ERBB4: variants seen among roughly 807,000 people sequenced by gnomAD.
ERBB4 encodes receptor tyrosine-protein kinase erbB-4.
Under a neutral mutation model 158.0 loss-of-function variants are expected in ERBB4, and 42 were observed. The ratio of observed to expected loss-of-function variants is 0.27; its 90% CI spans 0.21 to 0.34. The LOEUF (loss-of-function observed/expected upper bound fraction) is 0.34. ERBB4 is among the 10% of genes least tolerant of loss of function. ERBB4 has a pLI of 1.00. For synonymous variants in ERBB4, 583 were observed against 558.7 expected, an observed-to-expected ratio of 1.04 and a Z score of -0.61; for missense variants, 1,333 against 1,624.1, an observed-to-expected ratio of 0.82 and a Z score of 3.08.
intron 1 of ERBB4, among the ~76,000 whole-genome samples, chr2:212,197,776 G>T (rs560283389): frequency 6.6e-6 from 1 of 152,182 alleles, no homozygotes; most frequent in South Asian, 2.1e-4. Context: ...TTTTTGAAGG[G>T]TCTATGAAAA....
At chr2:211,803,125 A>G (rs2076537554) in intron 3 of ERBB4, among the ~76,000 whole-genome samples, 1 of 152,240 alleles carries the variant, frequency 6.6e-6, no homozygotes, top group African/African-American at 2.4e-5. Flanking sequence ...TTTTGAATCT[A>G]TTTGGCTGAC....
chr2:211,630,957 G>A (rs1390804332), intron 16 of ERBB4, among the ~76,000 whole-genome samples: 1 of 152,044 alleles, frequency 6.6e-6, no homozygotes, highest in Admixed American at 6.6e-5. Flanking sequence ...TGAATAAACA[G>A]GAAATGCATT....
At chr2:211,711,188 A>T (rs954851156) in intron 9 of ERBB4, among the ~76,000 whole-genome samples, 1 of 152,186 alleles carries the variant, frequency 6.6e-6, no homozygotes, top group East Asian at 1.9e-4. Context: ...GAATGAAAAG[A>T]AACACTTTGT....
chr2:212,105,455 G>A (rs2079197359), intron 2 of ERBB4, among the ~76,000 whole-genome samples: 1 of 152,066 alleles, frequency 6.6e-6, no homozygotes, highest in Non-Finnish European at 1.5e-5. Context: ...CGTTTTCAAA[G>A]GAGAAACAAA....
intron 20 of ERBB4, among the ~76,000 whole-genome samples, chr2:211,504,984 C>G (rs2065709650): frequency 6.6e-6 from 1 of 151,990 alleles, no homozygotes; most frequent in African/African-American, 2.4e-5. Flanking sequence ...TAAAAACATT[C>G]TTGAGGGAGA....
At chr2:211,682,085 C>CACACACACACACACACACACACAT (rs59564874) in intron 12 of ERBB4, among the ~76,000 whole-genome samples, 1 of 149,722 alleles carries the variant, frequency 6.7e-6, no homozygotes, top group African/African-American at 2.5e-5. Flanking sequence ...CACACACACA[C>CACACACACACACACACACACACAT]ACACACAATT....
At chr2:212,219,894 T>C (rs1297828660) in intron 1 of ERBB4, among the ~76,000 whole-genome samples, 2 of 149,888 alleles carry the variant, frequency 1.3e-5, no homozygotes, top group African/African-American at 4.9e-5. Context: ...ACTTCAAAAA[T>C]AGGCTTTAAT....
intron 4 of ERBB4, chr2:211,779,474 A>G (rs2075980872): frequency 6.6e-6 from 1 of 152,168 alleles, no homozygotes. Context: ...CCACTTCACC[A>G]TTATATTCAT....
chr2:212,439,963 A>T (rs964925356), intron 1 of ERBB4, among the ~76,000 whole-genome samples: 5 of 152,188 alleles, frequency 3.3e-5, no homozygotes, highest in African/African-American at 1.2e-4. Context: ...GAGATATTCA[A>T]CTATCGGAAT....
chr2:211,639,678 AC>A (rs2070498285), intron 16 of ERBB4, among the ~76,000 whole-genome samples: 2 of 152,230 alleles, frequency 1.3e-5, no homozygotes, highest in South Asian at 4.1e-4. Flanking sequence ...CTTATTGTAC[AC>A]AACTACATAA....
Position 211,424,181 on chromosome 2 carries a change from A to G in ERBB4, c.2840T>C (p.Ile947Thr), listed in dbSNP as rs370965857. The change falls in exon 23 of 28, where the codon ATT (isoleucine) becomes ACT (threonine). Residue 947 changes from isoleucine (I) to threonine (T), a missense_variant. Coordinates refer to ENST00000342788, the MANE Select transcript of ERBB4 (RefSeq NM_005235.3). The part of the protein sequence containing the change: ...ERLPQPPICT[I>T]DVYMVMVKCW... ...TTTGACCATGACCATGTAAACGTCA[A>G]TAGTGCAGATGGGAGGCTGAGGCAA... is the stretch of plus-strand genomic sequence containing the variant. 3 of 1,613,272 alleles carry G rather than the reference A, an allele frequency of 1.9e-6. No individual in the cohort carries two copies. The highest frequency in any genetic ancestry group is 2.5e-6 in the Non-Finnish European group (3 of 1,179,484).
intron 5 of ERBB4, among the ~76,000 whole-genome samples, chr2:211,726,117 T>C (rs1409238164): frequency 6.6e-6 from 1 of 152,116 alleles, no homozygotes; most frequent in South Asian, 2.1e-4. Flanking sequence ...TATCACTTCC[T>C]GGTTTCTGTA....
chr2:211,626,230 T>A, intron 17 of ERBB4, among the ~76,000 whole-genome samples: 1 of 152,218 alleles, frequency 6.6e-6, no homozygotes, highest in East Asian at 1.9e-4. Context: ...AGATCATGTC[T>A]CATTAATATA....
chr2:212,324,479 G>GT (rs67844263), intron 1 of ERBB4, among the ~76,000 whole-genome samples: 1 of 83,464 alleles, frequency 1.2e-5, no homozygotes, highest in Admixed American at 1.2e-4. Context: ...CGGGTTTTTT[G>GT]TTTTTGTTTT....
intron 3 of ERBB4, among the ~76,000 whole-genome samples, chr2:211,823,011 C>T (rs950020228): frequency 6.6e-6 from 1 of 151,984 alleles, no homozygotes; most frequent in Non-Finnish European, 1.5e-5. Context: ...GCTGTTACAA[C>T]TGTTAGCCCT....
At chr2:212,096,157 C>G (rs112241878) in intron 2 of ERBB4, among the ~76,000 whole-genome samples, 1,978 of 151,932 alleles carry the variant, frequency 0.013, 21 homozygotes, top group Middle Eastern at 0.028. Flanking sequence ...TTGTGCTTCA[C>G]AGAGAAAAGC....
At chr2:211,525,097 A>C (rs1312061012) in intron 20 of ERBB4, among the ~76,000 whole-genome samples, 1 of 152,126 alleles carries the variant, frequency 6.6e-6, no homozygotes, top group Non-Finnish European at 1.5e-5. Context: ...CTGGGTTCCT[A>C]AATAAAACTT....
intron 19 of ERBB4, among the ~76,000 whole-genome samples, chr2:211,618,783 T>C (rs1021664523): frequency 1.3e-5 from 2 of 152,186 alleles, no homozygotes; most frequent in Non-Finnish European, 2.9e-5. Flanking sequence ...TTAAGAAATA[T>C]ACACATGAGC....
At chr2:211,539,012 C>A (rs1262795766) in intron 20 of ERBB4, among the ~76,000 whole-genome samples, 2 of 151,892 alleles carry the variant, frequency 1.3e-5, no homozygotes, top group Non-Finnish European at 2.9e-5. Flanking sequence ...TCATATTTAT[C>A]ATAGTACTAA....
Sources: gnomAD v4.1 joint callset for allele counts (sites outside exome capture counted in the v4.1 genomes callset) on GRCh38, gnomAD v4.1.1 for gene constraint, MANE v1.5 for transcripts, NCBI Gene and HGNC (gene_info 2026-07-23, HGNC 2026-07-21) for gene names.